Variants in EBF1 observed in about 807,000 individuals in gnomAD.
EBF1 encodes the protein transcription factor COE1.
EBF1 carries 10 observed loss-of-function variants against 68.4 expected under a neutral mutation model. The ratio of observed to expected loss-of-function variants is 0.15; its 90% CI spans 0.09 to 0.25. The LOEUF is 0.25. EBF1 is among the 10% of genes least tolerant of loss of function. EBF1 has a pLI of 1.00. For synonymous variants in EBF1, 298 were observed against 299.8 expected (o/e 0.99, Z 0.06); for missense variants, 509 against 794.4 (o/e 0.64, Z 4.32).
intron 11 of EBF1, among the ~76,000 whole-genome samples, chr5:158,716,409 T>C (rs928880514): frequency 6.6e-6 from 1 of 152,188 alleles, no homozygotes; most frequent in Non-Finnish European, 1.5e-5. Flanking sequence ...TGTTTTCCCA[T>C]TGAGTACATT....
chr5:158,926,999 G>T (rs1809842330), intron 6 of EBF1, among the ~76,000 whole-genome samples: 2 of 152,164 alleles, frequency 1.3e-5, no homozygotes, highest in African/African-American at 4.8e-5. Flanking sequence ...AGTAATCCAG[G>T]CCTCTTGACC....
intron 6 of EBF1, among the ~76,000 whole-genome samples, chr5:159,058,631 C>G (rs555777973): frequency 6.6e-6 from 1 of 152,328 alleles, no homozygotes; most frequent in East Asian, 1.9e-4. Flanking sequence ...TTTCCGGAAA[C>G]CCAAAGGAAC....
intron 11 of EBF1, among the ~76,000 whole-genome samples, chr5:158,725,249 T>C (rs1219380793): frequency 6.6e-6 from 1 of 152,186 alleles, no homozygotes; most frequent in African/African-American, 2.4e-5. Context: ...GTGCTTGACA[T>C]TCAATGTGCT....
chr5:159,022,056 T>TAAAAA (rs10630834), intron 6 of EBF1, among the ~76,000 whole-genome samples: 18,417 of 105,120 alleles, frequency 0.18, 1,975 homozygotes, highest in Non-Finnish European at 0.19. Flanking sequence ...GTCAGCACGA[T>TAAAAA]AAAAAAAAAA....
chr5:159,064,738 T>C (rs1182209534), intron 6 of EBF1, among the ~76,000 whole-genome samples: 1 of 152,080 alleles, frequency 6.6e-6, no homozygotes, highest in Non-Finnish European at 1.5e-5. Flanking sequence ...CCCATATATC[T>C]AACATTAGAA....
At chr5:158,877,453 G>A (rs972566747) in intron 6 of EBF1, among the ~76,000 whole-genome samples, 1 of 152,152 alleles carries the variant, frequency 6.6e-6, no homozygotes, top group African/African-American at 2.4e-5. Flanking sequence ...TCCCAGCCAA[G>A]ATCAACACCA....
rs1009071087 is a variant in EBF1, at chr5:158,707,978, C to T, written c.1744+1G>A. On this transcript the variant is annotated splice_donor_variant, in intron 15 of 15. Transcript: ENST00000313708. LOFTEE classifies it high-confidence loss of function. ...ATTGGCAGGTGGGGCCTGGGGCTTA[C>T]CTTGCAGGCTGTTCCCGTTGGTGCT... 2 of 1,548,808 alleles carry T rather than the reference C, an allele frequency of 1.3e-6. No individual in the cohort carries two copies. The highest frequency in any genetic ancestry group is 2.7e-5 in the African/African-American group (2 of 72,986).
chr5:159,000,918 C>A (rs1040501488), intron 6 of EBF1, among the ~76,000 whole-genome samples: 109 of 152,256 alleles, frequency 7.2e-4, no homozygotes, highest in African/African-American at 2.5e-3. Flanking sequence ...ACACAACTAA[C>A]TTTTGAGAAA....
chr5:158,788,637 T>C (rs1240295125), intron 9 of EBF1, among the ~76,000 whole-genome samples: 1 of 152,106 alleles, frequency 6.6e-6, no homozygotes, highest in Non-Finnish European at 1.5e-5. Context: ...AAGAAAGGAA[T>C]ACAGCACTAT....
At chr5:158,820,488 T>A (rs1454162867) in intron 8 of EBF1, among the ~76,000 whole-genome samples, 1 of 152,196 alleles carries the variant, frequency 6.6e-6, no homozygotes, top group African/African-American at 2.4e-5. Context: ...AGTGTCTAAA[T>A]GAGTGGGTGG....
intron 6 of EBF1, among the ~76,000 whole-genome samples, chr5:159,027,292 T>A (rs1393335999): frequency 6.6e-6 from 1 of 152,152 alleles, no homozygotes; most frequent in Non-Finnish European, 1.5e-5. Flanking sequence ...TAATCTATCA[T>A]TTATCCAAGA....
chr5:158,786,918 T>A (rs1777562567), intron 9 of EBF1, among the ~76,000 whole-genome samples: 1 of 152,108 alleles, frequency 6.6e-6, no homozygotes, highest in South Asian at 2.1e-4. Context: ...CTCTCCAAGC[T>A]TAAAAACAAA....
intron 6 of EBF1, among the ~76,000 whole-genome samples, chr5:158,920,445 G>A (rs1475546274): frequency 2.0e-5 from 3 of 152,214 alleles, no homozygotes; most frequent in Non-Finnish European, 4.4e-5. Flanking sequence ...AAAAGAATAT[G>A]TCGTTCCCTG....
chr5:158,839,664 T>C (rs924114270), intron 7 of EBF1, among the ~76,000 whole-genome samples: 1 of 152,254 alleles, frequency 6.6e-6, no homozygotes, highest in Non-Finnish European at 1.5e-5. Context: ...ATTACAGGCA[T>C]GAGCCACTGC....
chr5:158,755,280 C>G (rs917601386), intron 10 of EBF1, among the ~76,000 whole-genome samples: 1 of 151,908 alleles, frequency 6.6e-6, no homozygotes, highest in African/African-American at 2.4e-5. Flanking sequence ...TCTTTCCTAC[C>G]CTGAGCCCCC....
intron 6 of EBF1, among the ~76,000 whole-genome samples, chr5:158,992,138 C>T (rs1001454763): frequency 6.6e-6 from 1 of 151,180 alleles, no homozygotes; most frequent in Non-Finnish European, 1.5e-5. Flanking sequence ...GGTTGGGGAA[C>T]GTTTAAACCA....
intron 9 of EBF1, among the ~76,000 whole-genome samples, chr5:158,786,481 C>G (rs566787665): frequency 5.5e-4 from 83 of 152,144 alleles, no homozygotes; most frequent in Admixed American, 1.6e-3. Context: ...CAGTTGGGCC[C>G]CATTAAAGAC....
Position 158,698,930 on chromosome 5 carries a change from G to A in EBF1, c.*181C>T. Reference sequence around the variant, plus strand: ...CTTTAACCAACACCCTGCACTTGCAGATCCCTCTTCCAATTTCAGTATTTG... The same window carrying A: ...CTTTAACCAACACCCTGCACTTGCAAATCCCTCTTCCAATTTCAGTATTTG... On this transcript the variant is annotated 3_prime_UTR_variant, in exon 16 of 16. Coordinates refer to ENST00000313708, the MANE Select transcript of EBF1 (RefSeq NM_024007.5). The A allele has an allele frequency of 6.2e-6, 3 of 485,098 alleles. No homozygotes were observed. Among genetic ancestry groups the A allele is most frequent in the Non-Finnish European group, 3.6e-6 (1 of 277,498 alleles). 30.0% of individuals were successfully genotyped at this position (485,098 alleles called of 1,614,324 possible).
chr5:158,978,418 A>AT (rs1207915059), intron 6 of EBF1, among the ~76,000 whole-genome samples: 1 of 151,998 alleles, frequency 6.6e-6, no homozygotes, highest in Non-Finnish European at 1.5e-5. Flanking sequence ...TTATTTATTT[A>AT]TTTTTTTGGA....
Sources: gnomAD v4.1 joint callset for allele counts (sites outside exome capture counted in the v4.1 genomes callset) on GRCh38, gnomAD v4.1.1 for gene constraint, MANE v1.5 for transcripts, NCBI Gene and HGNC (gene_info 2026-07-23, HGNC 2026-07-21) for gene names.